NBAS: variants seen among roughly 807,000 people sequenced by gnomAD.
NBAS encodes the protein NAG/BC035112 fusion.
Under a neutral mutation model 302.5 loss-of-function variants are expected in NBAS, and 219 were observed. That is an observed-to-expected ratio of 0.72 (90% CI 0.65 to 0.81). The LOEUF (loss-of-function observed/expected upper bound fraction) is 0.81. Among genes scored for constraint, NBAS ranks in the 30% least tolerant of loss-of-function variants. NBAS has a pLI of 0.00. For missense variants in NBAS, 2,932 were observed against 2,841.6 expected, an observed-to-expected ratio of 1.03 and a Z score of -0.72; for synonymous variants, 1,118 against 1,021.6, an observed-to-expected ratio of 1.09 and a Z score of -1.80.
At position 15,561,041 on chromosome 2, in the gene NBAS, G is replaced by T. The variant is rs1366731663; in HGVS notation, c.117+147C>A. 31 of 655,222 alleles carry T rather than the reference G, an allele frequency of 4.7e-5. No homozygotes were observed. The Admixed American group carries it at 5.4e-4, about 11-fold the overall frequency. The allele number at this position is 655,222 out of a possible 1,614,324, so 40.6% of individuals were successfully genotyped here. On this transcript the variant is annotated intron_variant, in intron 1 of 51. Transcript: ENST00000281513. The stretch of plus-strand genomic sequence containing the variant: ...CGCCCTAGACCCCCGCTAGCCCAAG[G>T]TGCCGTTGCCAAGGCGACCGCACAA...
chr2:15,228,561 A>G (rs1266421706), intron 47 of NBAS, among the ~76,000 whole-genome samples: 4 of 152,254 alleles, frequency 2.6e-5, no homozygotes, highest in Admixed American at 6.5e-5. Flanking sequence ...AGTACTATTC[A>G]TAATAGCCAA....
chr2:15,548,784 C>T lies in NBAS; in HGVS notation c.379+2709G>A, dbSNP rs543704064. On this transcript the variant is annotated intron_variant, in intron 6 of 51. Transcript: ENST00000281513. Reference sequence around the variant, plus strand: ...ACAGGGAGGAGAGCCGATGCTTGATCTAAAATATACAAGACTAATTAATTC... The same window carrying T: ...ACAGGGAGGAGAGCCGATGCTTGATTTAAAATATACAAGACTAATTAATTC... 1.3e-5 allele frequency among the ~76,000 whole-genome samples: 2 copies of T among 151,330 alleles called. 1 individual carries two copies. Among genetic ancestry groups the T allele is most frequent in the Middle Eastern group, 6.8e-3 (2 of 292 alleles).
the NBAS span, among the ~76,000 whole-genome samples, chr2:14,990,855 A>G: frequency 6.6e-6 from 1 of 152,220 alleles, no homozygotes; most frequent in Non-Finnish European, 1.5e-5. Context: ...ATAATAAGCC[A>G]TGGTTCCTGA....
chr2:14,823,976 GAACCTGAATC>G, the NBAS span, among the ~76,000 whole-genome samples: 4 of 152,200 alleles, frequency 2.6e-5, no homozygotes, highest in Non-Finnish European at 5.9e-5. Flanking sequence ...AACCTGCCCT[GAACCTGAATC>G]ACCGTGATGT....
At chr2:15,375,565 C>T (rs938673989) in intron 30 of NBAS, among the ~76,000 whole-genome samples, 1 of 152,156 alleles carries the variant, frequency 6.6e-6, no homozygotes, top group African/African-American at 2.4e-5. Flanking sequence ...ATCAGTTGTG[C>T]ACTCACATCT....
chr2:15,181,561 C>T (rs1023937646), intron 50 of NBAS, among the ~76,000 whole-genome samples: 1 of 152,182 alleles, frequency 6.6e-6, no homozygotes, highest in Non-Finnish European at 1.5e-5. Context: ...AGAAAAGCCA[C>T]AAAACACGTC....
chr2:15,382,618 A>T (rs900661664), intron 29 of NBAS, among the ~76,000 whole-genome samples: 3 of 152,178 alleles, frequency 2.0e-5, no homozygotes, highest in African/African-American at 7.2e-5. Flanking sequence ...GGAAATGATG[A>T]CAGGCTTGAT....
At chr2:15,442,426 C>A (rs1015252070) in intron 21 of NBAS, among the ~76,000 whole-genome samples, 104 of 151,512 alleles carry the variant, frequency 6.9e-4, no homozygotes, top group African/African-American at 2.4e-3. Flanking sequence ...AAAATGAAGG[C>A]AGAAATAAAG....
chr2:15,247,525 A>G (rs952086603), intron 44 of NBAS, among the ~76,000 whole-genome samples: 4 of 152,166 alleles, frequency 2.6e-5, no homozygotes, highest in African/African-American at 9.7e-5. Context: ...AGGAATATTT[A>G]GCAAGCAAAT....
At chr2:14,866,190 G>A in the NBAS span, among the ~76,000 whole-genome samples, 4 of 152,104 alleles carry the variant, frequency 2.6e-5, no homozygotes, top group African/African-American at 9.7e-5. Context: ...TTTTAGAGAA[G>A]CCATCTTCTC....
chr2:14,964,548 AT>A, the NBAS span, among the ~76,000 whole-genome samples: 1 of 152,196 alleles, frequency 6.6e-6, no homozygotes, highest in African/African-American at 2.4e-5. Context: ...ATGAGGGAAA[AT>A]TGATTGATAG....
At chr2:15,019,296 G>T in the NBAS span, among the ~76,000 whole-genome samples, 1 of 152,124 alleles carries the variant, frequency 6.6e-6, no homozygotes, top group Admixed American at 6.5e-5. Flanking sequence ...ATTTATTCTG[G>T]TTATAATTAT....
At chr2:15,045,499 T>C in the NBAS span, among the ~76,000 whole-genome samples, 1 of 152,190 alleles carries the variant, frequency 6.6e-6, no homozygotes, top group Admixed American at 6.5e-5. Context: ...ACTTTTTTCA[T>C]TTGATTGTTT....
At chr2:14,958,400 G>C in the NBAS span, among the ~76,000 whole-genome samples, 1 of 152,196 alleles carries the variant, frequency 6.6e-6, no homozygotes, top group East Asian at 1.9e-4. Context: ...AGAACTCTGA[G>C]AGAAAATGCT....
At chr2:15,224,027 C>G (rs1396061222) in intron 47 of NBAS, among the ~76,000 whole-genome samples, 2 of 151,954 alleles carry the variant, frequency 1.3e-5, no homozygotes, top group African/African-American at 4.8e-5. Context: ...CAGTTTTGGT[C>G]CGAAAGATAG....
chr2:15,147,759 G>A, the NBAS span, among the ~76,000 whole-genome samples: 4 of 151,914 alleles, frequency 2.6e-5, no homozygotes, highest in South Asian at 2.1e-4. Context: ...TCTCATTTAC[G>A]TAGCCTGCAA....
At chr2:15,209,109 A>G (rs1666283803) in intron 48 of NBAS, among the ~76,000 whole-genome samples, 1 of 152,170 alleles carries the variant, frequency 6.6e-6, no homozygotes, top group African/African-American at 2.4e-5. Context: ...AAGATGAAAA[A>G]GGAGACATTT....
chr2:15,351,903 CAA>C, intron 35 of NBAS, 87 bp downstream of exon 35: 2 of 928,342 alleles, frequency 2.2e-6, no homozygotes, highest in Admixed American at 3.7e-5. Context: ...CACACACACA[CAA>C]AACCCCTCTC....
At chr2:15,004,810 A>G in the NBAS span, among the ~76,000 whole-genome samples, 1 of 151,986 alleles carries the variant, frequency 6.6e-6, no homozygotes, top group Non-Finnish European at 1.5e-5. Flanking sequence ...AGACCCAGCA[A>G]CAGTTAATTT....
Sources: gnomAD v4.1 joint callset for allele counts (sites outside exome capture counted in the v4.1 genomes callset) on GRCh38, gnomAD v4.1.1 for gene constraint, MANE v1.5 for transcripts, NCBI Gene and HGNC (gene_info 2026-07-23, HGNC 2026-07-21) for gene names.